Variants in DYM observed in about 807,000 individuals in gnomAD.
DYM encodes dymeclin.
In DYM, 78 loss-of-function variants were observed where a neutral mutation model predicts 93.1. The observed-to-expected ratio is 0.84, with a 90% confidence interval of 0.70 to 1.01. The LOEUF is 1.01. DYM is among the 50% of genes least tolerant of loss of function. The pLI, the probability that DYM is intolerant of heterozygous loss-of-function variation, is 0.00. For synonymous variants in DYM, 321 were observed against 319.7 expected (o/e 1.00, Z -0.04); for missense variants, 789 against 845.0 (o/e 0.93, Z 0.82).
chr18:49,328,488 G>T (rs977809955), intron 8 of DYM, among the ~76,000 whole-genome samples: 3 of 152,144 alleles, frequency 2.0e-5, no homozygotes, highest in African/African-American at 7.2e-5. Context: ...CCATCAAAGT[G>T]AACAGACAAC....
intron 2 of DYM, among the ~76,000 whole-genome samples, chr18:49,395,282 A>G (rs1568372250): frequency 6.6e-6 from 1 of 152,136 alleles, no homozygotes; most frequent in African/African-American, 2.4e-5. Flanking sequence ...CAATGGCAAA[A>G]AAAAAAATCC....
At chr18:49,130,217 A>G (rs2083257169) in intron 15 of DYM, among the ~76,000 whole-genome samples, 1 of 152,154 alleles carries the variant, frequency 6.6e-6, no homozygotes, top group Non-Finnish European at 1.5e-5. Context: ...AGTAGTAAAG[A>G]AACACTGAAA....
chr18:49,045,217 G>A (rs943070326), intron 17 of DYM, among the ~76,000 whole-genome samples: 2 of 152,186 alleles, frequency 1.3e-5, no homozygotes, highest in African/African-American at 4.8e-5. Flanking sequence ...GGGGCTGAAA[G>A]AGAGGAAACC....
intron 1 of DYM, among the ~76,000 whole-genome samples, chr18:49,441,606 G>A (rs573563436): frequency 6.6e-6 from 1 of 151,548 alleles, no homozygotes; most frequent in African/African-American, 2.4e-5. Flanking sequence ...CGAAAGCAAT[G>A]GAAAGAAAGA....
At chr18:49,053,072 A>C (rs145656523) in intron 17 of DYM, among the ~76,000 whole-genome samples, 79 of 152,288 alleles carry the variant, frequency 5.2e-4, no homozygotes, top group Non-Finnish European at 7.2e-4. Flanking sequence ...TGTTGTTTTG[A>C]TTTTTGGAGC....
chr18:49,334,305 T>C (rs1281054270), intron 6 of DYM, among the ~76,000 whole-genome samples: 2 of 152,170 alleles, frequency 1.3e-5, no homozygotes, highest in Non-Finnish European at 2.9e-5. Flanking sequence ...AGAACAATAA[T>C]ACACCCTAGA....
At chr18:49,194,745 A>C (rs947029652) in intron 14 of DYM, among the ~76,000 whole-genome samples, 4 of 151,926 alleles carry the variant, frequency 2.6e-5, no homozygotes, top group Non-Finnish European at 5.9e-5. Flanking sequence ...AAGTAACACA[A>C]AAAAATATTT....
chr18:49,393,686 C>T (rs1307827733), intron 2 of DYM: 1 of 152,220 alleles, frequency 6.6e-6, no homozygotes, highest in Non-Finnish European at 1.5e-5. Flanking sequence ...AGGAGAATCA[C>T]TTGAATGCAG....
Position 49,036,926 on chromosome 18 carries a change from G to C in DYM, c.*7129C>G, listed in dbSNP as rs1453751440. Among the ~76,000 whole-genome samples the C allele has an allele frequency of 6.6e-6, 1 of 151,916 alleles. No homozygotes were observed. The highest frequency in any genetic ancestry group is 2.4e-5 in the African/African-American group (1 of 41,292). On this transcript the variant is annotated 3_prime_UTR_variant, in exon 18 of 18. Transcript: ENST00000675505. ...TCTTTTATTTATTTATTTTGGGACG[G>C]AGTCTCGCTCTGTTGCCCAGGCTGG...
chr18:49,290,742 C>T (rs73443872), intron 8 of DYM, among the ~76,000 whole-genome samples: 3,822 of 152,096 alleles, frequency 0.025, 151 homozygotes, highest in African/African-American at 0.086. Flanking sequence ...CTACAGGTCC[C>T]TGGCAGGGTC....
intron 2 of DYM, among the ~76,000 whole-genome samples, chr18:49,425,059 G>A (rs1421238871): frequency 1.3e-5 from 2 of 152,022 alleles, no homozygotes; most frequent in Non-Finnish European, 2.9e-5. Flanking sequence ...AGTTCATGTA[G>A]AATCAAAAAA....
rs1555690209 is a variant in DYM at position 49,317,551 on chromosome 18, T to TTGTCTCTCTCTC, written c.763+14312_763+14313insGAGAGAGAGACA. Among the ~76,000 whole-genome samples, 122 of 29,336 alleles carry TTGTCTCTCTCTC rather than the reference T, an allele frequency of 4.2e-3. 27 individuals carry two copies. The highest frequency in any genetic ancestry group is 0.012 in the Admixed American group (22 of 1,862). The allele number at this position is 29,336 out of a possible 152,430, so 19.2% of individuals were successfully genotyped here. On this transcript the variant is annotated intron_variant, in intron 8 of 17. Transcript: ENST00000675505. ...TGCCCTAGTCCTTAGCCATCTAGAT[T>TTGTCTCTCTCTC]TCTCTCTCTCTCTCTCTCTCTCTCT...
intron 1 of DYM, among the ~76,000 whole-genome samples, chr18:49,442,106 G>A (rs143277508): frequency 7.2e-5 from 11 of 152,170 alleles, no homozygotes; most frequent in South Asian, 2.1e-4. Context: ...AAAATAGATC[G>A]TCACCTCACA....
intron 8 of DYM, among the ~76,000 whole-genome samples, chr18:49,291,907 A>C (rs2060135338): frequency 6.6e-6 from 1 of 152,174 alleles, no homozygotes; most frequent in South Asian, 2.1e-4. Context: ...TATTTGTATC[A>C]TTTTAAAACA....
chr18:49,124,571 A>G (rs1381092787), intron 15 of DYM, among the ~76,000 whole-genome samples: 1 of 151,866 alleles, frequency 6.6e-6, no homozygotes, highest in Non-Finnish European at 1.5e-5. Flanking sequence ...TTTACTTTGC[A>G]TGACTCTGAC....
chr18:49,349,934 G>A (rs2064961695), intron 6 of DYM, among the ~76,000 whole-genome samples: 1 of 152,134 alleles, frequency 6.6e-6, no homozygotes, highest in Non-Finnish European at 1.5e-5. Context: ...TCCAACCTGG[G>A]TGACAGAGAC....
At chr18:49,138,682 C>A (rs546113065) in intron 15 of DYM, among the ~76,000 whole-genome samples, 2 of 152,080 alleles carry the variant, frequency 1.3e-5, no homozygotes, top group African/African-American at 4.8e-5. Context: ...AAATACTAAA[C>A]AGTGGCATTA....
chr18:49,086,105 G>A (rs1339895856), intron 17 of DYM, among the ~76,000 whole-genome samples: 3 of 152,182 alleles, frequency 2.0e-5, no homozygotes, highest in African/African-American at 7.2e-5. Context: ...CTTGGGTCCT[G>A]CAGTCATTGG....
intron 16 of DYM, among the ~76,000 whole-genome samples, chr18:49,109,153 T>C (rs2081164168): frequency 6.6e-6 from 1 of 152,192 alleles, no homozygotes; most frequent in Admixed American, 6.5e-5. Flanking sequence ...TTGCTTTTTA[T>C]CCAATCTGAA....
Sources: gnomAD v4.1 joint callset for allele counts (sites outside exome capture counted in the v4.1 genomes callset) on GRCh38, gnomAD v4.1.1 for gene constraint, MANE v1.5 for transcripts, NCBI Gene and HGNC (gene_info 2026-07-23, HGNC 2026-07-21) for gene names.